Variants in KIAA1217 observed in about 807,000 individuals in gnomAD.
KIAA1217 encodes sickle tail protein homolog.
KIAA1217 carries 88 observed loss-of-function variants against 163.9 expected under a neutral mutation model. That is an observed-to-expected ratio of 0.54 (90% CI 0.45 to 0.64). KIAA1217 has a LOEUF of 0.64. Ranked by LOEUF, KIAA1217 falls within the 30% of genes least tolerant of loss-of-function variation. The pLI, the probability that KIAA1217 is intolerant of heterozygous loss-of-function variation, is 0.00. For missense variants in KIAA1217, 2,372 were observed against 2,475.0 expected (o/e 0.96, Z 0.88); for synonymous variants, 903 against 923.1 (o/e 0.98, Z 0.39).
At chr10:24,168,030 C>T (rs997462327) in intron 2 of KIAA1217, among the ~76,000 whole-genome samples, 3 of 152,150 alleles carry the variant, frequency 2.0e-5, no homozygotes, top group African/African-American at 7.2e-5. Flanking sequence ...CAGTTTTGCA[C>T]TGGGGGTTAG....
At chr10:24,384,149 G>T (rs1223195680) in intron 3 of KIAA1217, among the ~76,000 whole-genome samples, 3 of 152,172 alleles carry the variant, frequency 2.0e-5, no homozygotes, top group African/African-American at 7.2e-5. Context: ...ACCCGCTGTT[G>T]ATGCCATCTG....
chr10:24,258,683 C>T (rs979996719), intron 2 of KIAA1217, among the ~76,000 whole-genome samples: 1 of 151,828 alleles, frequency 6.6e-6, no homozygotes, highest in Non-Finnish European at 1.5e-5. Context: ...AGCTCCACCT[C>T]CCGGGTTCAC....
rs75873646 is a variant in KIAA1217 at position 23,796,138 on chromosome 10, T to C, written c.-321+100904T>C. 1.1e-3 allele frequency among the ~76,000 whole-genome samples: 170 copies of C among 152,242 alleles called. 12 individuals are homozygous for C. The East Asian group carries it at 0.026, about 23-fold the overall frequency. ...GTGATCTCTGTCTTCTTACATGCCA[T>C]GCAAAGATTTTAGCTTTGGTTCCCA... On this transcript the variant is annotated intron_variant, in intron 1 of 18. Transcript: ENST00000376462.
At chr10:24,540,913 C>T (rs2074951372) in intron 17 of KIAA1217, among the ~76,000 whole-genome samples, 1 of 151,404 alleles carries the variant, frequency 6.6e-6, no homozygotes, top group Non-Finnish European at 1.5e-5. Context: ...ATATTACAGG[C>T]ACCCGCCACC....
chr10:24,251,292 C>A (rs1409836546), intron 2 of KIAA1217, among the ~76,000 whole-genome samples: 5 of 149,984 alleles, frequency 3.3e-5, no homozygotes, highest in Non-Finnish European at 7.4e-5. Flanking sequence ...TCCAGCTATG[C>A]AGGAAGTTAA....
chr10:23,847,515 G>A (rs1176946717), intron 1 of KIAA1217, among the ~76,000 whole-genome samples: 3 of 152,164 alleles, frequency 2.0e-5, no homozygotes, highest in African/African-American at 7.2e-5. Flanking sequence ...TATTTGCATA[G>A]AGGTGTTTAT....
At chr10:24,359,090 T>TTG (rs945693880) in intron 2 of KIAA1217, among the ~76,000 whole-genome samples, 6 of 145,912 alleles carry the variant, frequency 4.1e-5, no homozygotes, top group African/African-American at 1.5e-4. Flanking sequence ...TTCTTTTTTT[T>TTG]TTTTTTTTTG....
At chr10:23,833,491 A>G (rs1329310053) in intron 1 of KIAA1217, among the ~76,000 whole-genome samples, 3 of 152,020 alleles carry the variant, frequency 2.0e-5, no homozygotes, top group Non-Finnish European at 4.4e-5. Context: ...AAAAAAAAAA[A>G]AAAAACTAAG....
At chr10:23,708,885 G>A (rs1227378076) in intron 1 of KIAA1217, among the ~76,000 whole-genome samples, 1 of 152,154 alleles carries the variant, frequency 6.6e-6, no homozygotes, top group Non-Finnish European at 1.5e-5. Flanking sequence ...GTGAAGTGGT[G>A]AGAAGTGGAC....
At chr10:24,126,382 T>G (rs1208055640) in intron 2 of KIAA1217, among the ~76,000 whole-genome samples, 1 of 152,186 alleles carries the variant, frequency 6.6e-6, no homozygotes, top group Non-Finnish European at 1.5e-5. Flanking sequence ...TTTCTTTTCA[T>G]ATAGTATTTA....
chr10:24,199,630 A>G (rs758256397), intron 2 of KIAA1217, among the ~76,000 whole-genome samples: 2 of 152,248 alleles, frequency 1.3e-5, no homozygotes, highest in African/African-American at 4.8e-5. Context: ...TTTATGTGCA[A>G]CCAATGGCAA....
chr10:24,512,274 C>T (rs1291168514), intron 9 of KIAA1217, among the ~76,000 whole-genome samples: 2 of 152,090 alleles, frequency 1.3e-5, no homozygotes, highest in Admixed American at 1.3e-4. Flanking sequence ...ATAAACCAGT[C>T]CATGAAACCG....
intron 1 of KIAA1217, among the ~76,000 whole-genome samples, chr10:23,863,827 C>G (rs1840061678): frequency 6.6e-6 from 1 of 152,128 alleles, no homozygotes. Flanking sequence ...CACATGTACA[C>G]ATACACACAC....
chr10:23,910,460 T>C (rs976154618), intron 1 of KIAA1217, among the ~76,000 whole-genome samples: 2 of 152,128 alleles, frequency 1.3e-5, no homozygotes, highest in Non-Finnish European at 2.9e-5. Context: ...TCTGACTAGA[T>C]TGTGTACAAC....
At chr10:24,149,128 A>C (rs1372432092) in intron 2 of KIAA1217, among the ~76,000 whole-genome samples, 2 of 152,204 alleles carry the variant, frequency 1.3e-5, no homozygotes, top group East Asian at 3.8e-4. Flanking sequence ...CTGACAGTTT[A>C]TAGAAAAGTA....
chr10:23,784,814 A>G (rs1462790903), intron 1 of KIAA1217, among the ~76,000 whole-genome samples: 2 of 152,148 alleles, frequency 1.3e-5, no homozygotes, highest in Admixed American at 6.5e-5. Context: ...TTATAAATGA[A>G]TGTAGCTGTA....
At chr10:24,457,072 G>A (rs143369699) in intron 5 of KIAA1217, among the ~76,000 whole-genome samples, 35 of 152,152 alleles carry the variant, frequency 2.3e-4, no homozygotes, top group African/African-American at 6.0e-4. Context: ...TGGAGGAAAC[G>A]TCATCGAAAT....
At chr10:24,199,922 G>A (rs2067169240) in intron 2 of KIAA1217, among the ~76,000 whole-genome samples, 1 of 151,904 alleles carries the variant, frequency 6.6e-6, no homozygotes, top group African/African-American at 2.4e-5. Context: ...GCATTTAGGA[G>A]ACATTTTATA....
chr10:24,478,437 A>G (rs1315036784), intron 6 of KIAA1217, among the ~76,000 whole-genome samples: 1 of 152,232 alleles, frequency 6.6e-6, no homozygotes, highest in African/African-American at 2.4e-5. Flanking sequence ...ATATCTGAAG[A>G]ACACAGTGTC....
Sources: allele counts gnomAD v4.1 joint callset (sites outside exome capture counted in the v4.1 genomes callset), GRCh38; gene constraint gnomAD v4.1.1; transcripts MANE v1.5; gene names NCBI Gene and HGNC (gene_info 2026-07-23, HGNC 2026-07-21).